MCRIP2: variants seen among roughly 807,000 people sequenced by gnomAD.
The protein encoded by MCRIP2 is MAPK regulated co-repressor interacting protein 2.
In MCRIP2, 21 loss-of-function variants were observed where a neutral mutation model predicts 23.2. The ratio of observed to expected loss-of-function variants is 0.90; its 90% CI spans 0.64 to 1.30. The LOEUF (loss-of-function observed/expected upper bound fraction) is 1.30, where lower values mean the gene tolerates loss of function less well. MCRIP2 is among the 50% of genes most tolerant of loss of function. The pLI, the probability that MCRIP2 is intolerant of heterozygous loss-of-function variation, is 0.00. For missense variants in MCRIP2, 234 were observed against 223.2 expected (o/e 1.05, Z -0.31); for synonymous variants, 121 against 100.2 (o/e 1.21, Z -1.24).
Position 641,901 on chromosome 16 carries a change from TC to T in MCRIP2, c.-87del. 8.5e-7 allele frequency: 1 copy of T among 1,169,980 alleles called. No homozygotes were observed. The allele number at this position is 1,169,980 out of a possible 1,614,324, so 72.5% of individuals were successfully genotyped here. ...GGGGGCGTGTAGCGGGCCCGCCCCC[TC>T]CCCGCGGCGCCCGCAGTCCGTTAAG... On this transcript the variant is annotated 5_prime_UTR_variant, in exon 1 of 5. Coordinates refer to ENST00000307650, the MANE Select transcript of MCRIP2 (RefSeq NM_138418.4).
At position 641,972 on chromosome 16, in the gene MCRIP2, C is replaced by T. The variant is rs1306984600; in HGVS notation, c.-20C>T. 9.2e-6 allele frequency: 12 copies of T among 1,308,964 alleles called. No homozygotes were observed. Among genetic ancestry groups the T allele is most frequent in the South Asian group, 2.1e-5 (1 of 47,704 alleles). The allele number at this position is 1,308,964 out of a possible 1,614,324, so 81.1% of individuals were successfully genotyped here. Reference sequence around the variant, plus strand: ...GCCGGATCTGGCCGGGGGCCGGCGGCGGTGTGGGAGCGGCGCGTCATGTAC... The same window carrying T: ...GCCGGATCTGGCCGGGGGCCGGCGGTGGTGTGGGAGCGGCGCGTCATGTAC... On this transcript the variant is annotated 5_prime_UTR_variant, in exon 1 of 5. Transcript: ENST00000307650.
chr16:646,375 C>T lies in MCRIP2; in HGVS notation c.183-1042C>T, dbSNP rs2151102467. On this transcript the variant is annotated intron_variant, in intron 2 of 4. Coordinates refer to ENST00000307650, the MANE Select transcript of MCRIP2 (RefSeq NM_138418.4). The surrounding 1 kb of genome is among the most constrained non-coding windows in gnomAD (Gnocchi z 6.5). ...GGTGCCCCTGCCCCTGTCCCATCTCCACCTGCACGTTTTAAGATCCTCTGT... is the reference window on the plus strand; with the variant it reads ...GGTGCCCCTGCCCCTGTCCCATCTCTACCTGCACGTTTTAAGATCCTCTGT... The T allele has an allele frequency of 6.6e-6, 1 of 152,356 alleles. No homozygotes were observed. The allele number at this position is 152,356 out of a possible 1,614,324, so 9.4% of individuals were successfully genotyped here.
rs531252054 is a variant in MCRIP2 at position 648,014 on chromosome 16, G to A, written c.413-106G>A. On this transcript the variant is annotated intron_variant, in intron 4 of 4. Coordinates refer to ENST00000307650, the MANE Select transcript of MCRIP2 (RefSeq NM_138418.4). ...TGTGCAGAAACCCCTTCTTCCCAGCGCCTGCCGCACTCGGAGTCCGGGTGA... is the reference window on the plus strand; with the variant it reads ...TGTGCAGAAACCCCTTCTTCCCAGCACCTGCCGCACTCGGAGTCCGGGTGA... 1.2e-5 allele frequency: 15 copies of A among 1,265,186 alleles called. No individual in the cohort carries two copies. In the Admixed American group the frequency reaches 1.3e-4, roughly 11 times the overall value. The allele number at this position is 1,265,186 out of a possible 1,614,324, so 78.4% of individuals were successfully genotyped here.
At position 648,156 on chromosome 16, in the gene MCRIP2, A is replaced by C; in HGVS notation, c.449A>C (p.Gln150Pro). ...VPIDLDEWWA[Q>P]QFLARITSCS ...ATTGACCTAGACGAGTGGTGGGCGC[A>C]GCAGTTCCTGGCGAGAATCACCAGC... Residue 150 changes from glutamine to proline, a missense_variant, in exon 5 of 5, where the codon CAG becomes CCG. Gln to Pro is a moderately conservative substitution (Grantham distance 76). Coordinates refer to ENST00000307650, the MANE Select transcript of MCRIP2 (RefSeq NM_138418.4). 3.7e-6 allele frequency: 6 copies of C among 1,611,472 alleles called. No homozygotes were observed. Among genetic ancestry groups the C allele is most frequent in the Non-Finnish European group, 5.1e-6 (6 of 1,179,322 alleles).
chr16:642,085 C>A, intron 1 of MCRIP2, 35 bp from the exon 2 acceptor site: 2 of 1,319,658 alleles, frequency 1.5e-6, no homozygotes, highest in South Asian at 2.0e-5. Context: ...CGGGGCGGGG[C>A]GCGGCGGCGG....
chr16:645,093 G>A (rs1417137673), intron 2 of MCRIP2: 2 of 152,162 alleles, frequency 1.3e-5, no homozygotes, highest in African/African-American at 2.4e-5. Flanking sequence ...CGAGCAGCTG[G>A]GACTACAGGC....
In MCRIP2 at chr16:648,142, C is replaced by A; in HGVS notation, c.435C>A (p.Asp145Glu). The A allele has an allele frequency of 6.2e-7, 1 of 1,610,488 alleles. No homozygotes were observed. Among genetic ancestry groups the A allele is most frequent in the Non-Finnish European group, 8.5e-7 (1 of 1,178,642 alleles). The change falls in exon 5 of 5, where the codon GAC (aspartate) becomes GAA (glutamate). Residue 145 changes from aspartate (D) to glutamate (E), a missense_variant. Coordinates refer to ENST00000307650, the MANE Select transcript of MCRIP2 (RefSeq NM_138418.4). The stretch of plus-strand genomic sequence containing the variant: ...CAGACTTTGTGCCCATTGACCTAGA[C>A]GAGTGGTGGGCGCAGCAGTTCCTGG... ...RLQNFVPIDL[D>E]EWWAQQFLAR... is the part of the protein sequence containing the mutation.
chr16:644,968 T>G (rs2037440985), intron 2 of MCRIP2, among the ~76,000 whole-genome samples: 1 of 151,988 alleles, frequency 6.6e-6, no homozygotes. Context: ...TAATTTTTAT[T>G]TTTATTCTGA....
rs768235262 is a variant in MCRIP2 at position 647,473 on chromosome 16, C to G, written c.239C>G (p.Ser80Cys). ...AATGGCCGGCGGGCCCCCTCCACGT[C>G]CCCATCCTTCGAGGGGACCCAGGAG... is the stretch of plus-strand genomic sequence containing the variant. ...RVNGRRAPSTSPSFEGTQETY... is the reference protein window; with the variant it reads ...RVNGRRAPSTCPSFEGTQETY... Residue 80 changes from serine (S) to cysteine (C), a missense_variant, in exon 3 of 5, where the codon TCC becomes TGC. By Grantham distance (112) the Ser-to-Cys change is moderately radical. Coordinates refer to ENST00000307650, the MANE Select transcript of MCRIP2 (RefSeq NM_138418.4). The G allele has an allele frequency of 2.5e-6, 4 of 1,606,632 alleles. No individual in the cohort carries two copies. The highest frequency in any genetic ancestry group is 2.5e-6 in the Non-Finnish European group (3 of 1,177,180).
rs867979834 is a variant in MCRIP2 at position 648,422 on chromosome 16, G to A, written c.*232G>A. 6.2e-5 allele frequency: 35 copies of A among 563,434 alleles called. No homozygotes were observed. Among genetic ancestry groups the A allele is most frequent in the African/African-American group, 5.9e-4 (31 of 52,576 alleles). The allele number at this position is 563,434 out of a possible 1,614,324, so 34.9% of individuals were successfully genotyped here. On this transcript the variant is annotated 3_prime_UTR_variant, in exon 5 of 5. Coordinates refer to ENST00000307650, the MANE Select transcript of MCRIP2 (RefSeq NM_138418.4). ...CACTGTGCCCAGGGACCAGCGACCA[G>A]CCCCTGGGGCTGGCAGGGAGGAGCT...
At position 641,869 on chromosome 16, in the gene MCRIP2, A is replaced by T; in HGVS notation, c.-123A>T. ...CAGCCCGAGCCCGTGCGGGCCCTTT[A>T]AGGGCCGGGGGCGTGTAGCGGGCCC... On this transcript the variant is annotated 5_prime_UTR_variant, in exon 1 of 5. Transcript: ENST00000307650. 1 of 912,586 alleles carries T rather than the reference A, an allele frequency of 1.1e-6. No individual in the cohort carries two copies. The highest frequency in any genetic ancestry group is 1.4e-6 in the Non-Finnish European group (1 of 700,872). 56.5% of individuals were successfully genotyped at this position (912,586 alleles called of 1,614,324 possible). A position where few individuals can be genotyped will look rare whatever the true frequency, so the allele number is the denominator to read the frequency against.
At position 647,541 on chromosome 16, in the gene MCRIP2, G is replaced by A. The variant is rs374379402; in HGVS notation, c.307G>A (p.Glu103Lys). Reference protein sequence around the residue: ...AHEENVRFVSEAWQQVQQQLD... With the variant: ...AHEENVRFVSKAWQQVQQQLD... ...CGAGGAGAATGTCCGCTTTGTGTCC[G>A]AAGGTAGCGAGCGGGGCCAGAGGGT... The change falls in exon 3 of 5, where the codon GAA becomes AAA. Residue 103 changes from glutamate (E) to lysine (K), a missense_variant. Transcript: ENST00000307650. 42 of 1,613,112 alleles carry A rather than the reference G, an allele frequency of 2.6e-5. 1 individual carries two copies. The highest frequency in any genetic ancestry group is 3.3e-4 in the Middle Eastern group (2 of 6,080).
In MCRIP2 at chr16:648,127, G is replaced by A. The variant is rs2037551613; in HGVS notation, c.420G>A (p.Val140=). ...AGCCTTCTCTGCCCACAGACTTTGT[G>A]CCCATTGACCTAGACGAGTGGTGGG... ...RTPNPRLQNF[V]PIDLDEWWAQ... Residue 140 remains valine, a synonymous_variant, in exon 5 of 5, where the codon GTG becomes GTA. Transcript: ENST00000307650. The A allele has an allele frequency of 3.7e-6, 6 of 1,606,032 alleles. No individual in the cohort carries two copies. In the South Asian group the frequency reaches 4.4e-5, roughly 12 times the overall value.
intron 2 of MCRIP2, chr16:642,886 C>G (rs2037385925): frequency 6.6e-6 from 1 of 152,406 alleles, no homozygotes; most frequent in Non-Finnish European, 1.5e-5. Context: ...GGCTCAGTTC[C>G]TCCACCGTTC....
chr16:647,131 G>C (rs576739376), intron 2 of MCRIP2: 23 of 460,908 alleles, frequency 5.0e-5, no homozygotes, highest in Admixed American at 3.3e-4. Context: ...AGTGGGGCCC[G>C]ACCAAAGGTT....
At position 647,553 on chromosome 16, in the gene MCRIP2, C is replaced by A. The variant is rs377660817; in HGVS notation, c.310+9C>A. The stretch of plus-strand genomic sequence containing the variant: ...CCGCTTTGTGTCCGAAGGTAGCGAG[C>A]GGGGCCAGAGGGTGCGGCATAGGCT... On this transcript the variant is annotated intron_variant, in intron 3 of 4. Coordinates refer to ENST00000307650, the MANE Select transcript of MCRIP2 (RefSeq NM_138418.4). The A allele has an allele frequency of 1.9e-6, 3 of 1,612,738 alleles. No individual in the cohort carries two copies. The highest frequency in any genetic ancestry group is 2.5e-6 in the Non-Finnish European group (3 of 1,179,630).
At position 647,861 on chromosome 16, in the gene MCRIP2, G is replaced by T. The variant is rs769527227; in HGVS notation, c.389G>T (p.Arg130Met). 1 of 1,566,336 alleles carries T rather than the reference G, an allele frequency of 6.4e-7. No individual in the cohort carries two copies. Among genetic ancestry groups the T allele is most frequent in the Non-Finnish European group, 8.6e-7 (1 of 1,156,116 alleles). Reference sequence around the variant, plus strand: ...CCAAGGCCTGTGCAGTACGTGGAGAGGACCCCCAATCCCCGGCTGCAGAGT... The same window carrying T: ...CCAAGGCCTGTGCAGTACGTGGAGATGACCCCCAATCCCCGGCTGCAGAGT... ...GGPRPVQYVE[R>M]TPNPRLQNFV... Residue 130 changes from arginine to methionine, a missense_variant, in exon 4 of 5, where the codon AGG (arginine) becomes ATG (methionine). By Grantham distance (91) the Arg-to-Met change is moderately conservative. Coordinates refer to ENST00000307650, the MANE Select transcript of MCRIP2 (RefSeq NM_138418.4).
intron 2 of MCRIP2, among the ~76,000 whole-genome samples, chr16:644,711 G>A (rs961975112): frequency 2.6e-5 from 4 of 151,940 alleles, no homozygotes; most frequent in African/African-American, 9.7e-5. Context: ...AAGCGTTGGG[G>A]TTATAGGTGT....
At position 647,854 on chromosome 16, in the gene MCRIP2, G is replaced by T. The variant is rs1254945961; in HGVS notation, c.382G>T (p.Val128Leu). 1 of 1,571,580 alleles carries T rather than the reference G, an allele frequency of 6.4e-7. No homozygotes were observed. Among genetic ancestry groups the T allele is most frequent in the Non-Finnish European group, 8.6e-7 (1 of 1,158,954 alleles). ...GEGGPRPVQY[V>L]ERTPNPRLQN... ...GGGCGGGCCAAGGCCTGTGCAGTAC[G>T]TGGAGAGGACCCCCAATCCCCGGCT... The change falls in exon 4 of 5, where the codon GTG becomes TTG. Residue 128 changes from valine to leucine, a missense_variant. By Grantham distance (32) the Val-to-Leu change is conservative. Coordinates refer to ENST00000307650, the MANE Select transcript of MCRIP2 (RefSeq NM_138418.4).
Sources: allele counts gnomAD v4.1 joint callset (sites outside exome capture counted in the v4.1 genomes callset), GRCh38; gene constraint gnomAD v4.1.1; non-coding constraint Gnocchi (gnomAD v3.1); transcripts MANE v1.5; gene names NCBI Gene and HGNC (gene_info 2026-07-23, HGNC 2026-07-21).